TANC1: variants seen among roughly 807,000 people sequenced by gnomAD.
The protein encoded by TANC1 is protein TANC1.
In TANC1, 77 loss-of-function variants were observed where a neutral mutation model predicts 149.7. That is an observed-to-expected ratio of 0.51 (90% CI 0.43 to 0.62). The LOEUF (loss-of-function observed/expected upper bound fraction) is 0.62. Ranked by LOEUF, TANC1 falls within the 20% of genes least tolerant of loss-of-function variation. The probability of loss-of-function intolerance (pLI) is 0.00; values close to 1 mark genes in which losing one functional copy is unlikely to be tolerated. For synonymous variants in TANC1, 854 were observed against 925.0 expected (o/e 0.92, Z 1.39); for missense variants, 1,985 against 2,321.8 (o/e 0.85, Z 2.98).
chr2:158,969,046 CCCG>C (rs2032408552), intron 1 of TANC1, among the ~76,000 whole-genome samples: 1 of 152,160 alleles, frequency 6.6e-6, no homozygotes, highest in African/African-American at 2.4e-5. Context: ...GCGCGGTTCC[CCCG>C]CGCCGGACCG....
chr2:159,150,354 T>TC lies in TANC1; in HGVS notation c.496-14dup. The TC allele has an allele frequency of 6.2e-7, 1 of 1,611,070 alleles. No homozygotes were observed. Among genetic ancestry groups the TC allele is most frequent in the South Asian group, 1.1e-5 (1 of 90,820 alleles). On this transcript the variant is annotated splice_polypyrimidine_tract_variant and intron_variant, in intron 6 of 26. Transcript: ENST00000263635. ...TGTGTAAGCCGTGCTAACTCCTCCT[T>TC]CCATTCATCTTGCAGTGCACAGCTC...
At position 159,231,085 on chromosome 2, in the gene TANC1, T is replaced by C. The variant is rs1452329232; in HGVS notation, c.*73T>C. ...CTGGTGGTAAATTAAATAGTTTTTTTCATCAGAAAAATTATTTTTTAGCCA... is the reference window on the plus strand; with the variant it reads ...CTGGTGGTAAATTAAATAGTTTTTTCCATCAGAAAAATTATTTTTTAGCCA... On this transcript the variant is annotated 3_prime_UTR_variant, in exon 27 of 27. Coordinates refer to ENST00000263635, the MANE Select transcript of TANC1 (RefSeq NM_033394.3). 1.4e-5 allele frequency: 18 copies of C among 1,261,948 alleles called. No homozygotes were observed. In the East Asian group the frequency reaches 4.1e-4, roughly 29 times the overall value. 78.2% of individuals were successfully genotyped at this position (1,261,948 alleles called of 1,614,324 possible).
At chr2:158,986,508 G>C (rs2035015539) in intron 1 of TANC1, among the ~76,000 whole-genome samples, 1 of 152,176 alleles carries the variant, frequency 6.6e-6, no homozygotes, top group Non-Finnish European at 1.5e-5. Context: ...AGCATCATCT[G>C]GGGCACTTAA....
intron 2 of TANC1, among the ~76,000 whole-genome samples, chr2:159,055,764 G>T (rs1312690793): frequency 2.0e-5 from 3 of 152,062 alleles, no homozygotes; most frequent in African/African-American, 7.2e-5. Flanking sequence ...TCCTGTACTG[G>T]CCCCTGCACT....
intron 8 of TANC1, among the ~76,000 whole-genome samples, chr2:159,166,153 A>G (rs1298956732): frequency 6.6e-6 from 1 of 152,212 alleles, no homozygotes; most frequent in African/African-American, 2.4e-5. Flanking sequence ...CTTTAAAGGT[A>G]TGTTTTAAAT....
intron 19 of TANC1, among the ~76,000 whole-genome samples, chr2:159,216,712 G>A (rs1397359291): frequency 9.9e-5 from 15 of 152,100 alleles, no homozygotes; most frequent in Non-Finnish European, 1.0e-4. Flanking sequence ...GCACCACCAC[G>A]ACAGTGGGCA....
intron 19 of TANC1, among the ~76,000 whole-genome samples, chr2:159,204,818 T>C (rs4665039): frequency 0.95 from 145,008 of 152,354 alleles, 69,019 homozygotes; most frequent in East Asian, 1. Flanking sequence ...ATTTTTATTG[T>C]CAAAGCTACT....
chr2:159,223,960 A>G (rs1450619128), intron 22 of TANC1, among the ~76,000 whole-genome samples: 1 of 152,152 alleles, frequency 6.6e-6, no homozygotes, highest in Admixed American at 6.5e-5. Flanking sequence ...TGAGACAGAG[A>G]CAGATCACGC....
chr2:159,144,559 G>C (rs1407107896), intron 5 of TANC1, among the ~76,000 whole-genome samples: 2 of 152,014 alleles, frequency 1.3e-5, no homozygotes, highest in Non-Finnish European at 2.9e-5. Flanking sequence ...TGTATTTTTA[G>C]TAGAGACAGG....
chr2:159,109,305 C>T (rs1019880435), intron 4 of TANC1, among the ~76,000 whole-genome samples: 9 of 152,116 alleles, frequency 5.9e-5, no homozygotes, highest in Admixed American at 5.9e-4. Flanking sequence ...GGTGTTTCTT[C>T]CTCTGAAACA....
intron 22 of TANC1, among the ~76,000 whole-genome samples, chr2:159,221,838 G>A (rs2059728192): frequency 6.6e-6 from 1 of 152,170 alleles, no homozygotes; most frequent in Admixed American, 6.5e-5. Flanking sequence ...GATAAACTGA[G>A]AACCGTGAAA....
In TANC1 at chr2:159,150,517, C is replaced by A. The variant is rs764418723; in HGVS notation, c.643C>A (p.Pro215Thr). The A allele has an allele frequency of 6.2e-7, 1 of 1,613,942 alleles. No homozygotes were observed. The highest frequency in any genetic ancestry group is 1.3e-5 in the African/African-American group (1 of 74,898). Residue 215 changes from proline to threonine, a missense_variant, in exon 7 of 27, where the codon CCT (proline) becomes ACT (threonine). Pro to Thr is a conservative substitution (Grantham distance 38, BLOSUM62 -1). Around this residue, in one of 3 missense-constraint regions of TANC1, gnomAD observed 557 missense variants for 612.9 expected, o/e 0.91. Coordinates refer to ENST00000263635, the MANE Select transcript of TANC1 (RefSeq NM_033394.3). ...NKSPCETISS[P>T]SSTLESKDSG... ...AAGTCCCTGTGAGACCATTAGCAGCCCTAGTTCCACCCTGGAAAGCAAGGA... is the reference window on the plus strand; with the variant it reads ...AAGTCCCTGTGAGACCATTAGCAGCACTAGTTCCACCCTGGAAAGCAAGGA...
At chr2:159,196,931 T>A (rs558678016) in intron 18 of TANC1, 138 bp downstream of exon 18, 1 of 732,416 alleles carries the variant, frequency 1.4e-6, no homozygotes, top group South Asian at 1.9e-5. Flanking sequence ...GAAGGTCTTC[T>A]ATGGGCACCA....
intron 4 of TANC1, among the ~76,000 whole-genome samples, chr2:159,124,338 T>G (rs2049168934): frequency 6.6e-6 from 1 of 152,090 alleles, no homozygotes; most frequent in South Asian, 2.1e-4. Flanking sequence ...AACGAGATTT[T>G]GTCTCAAAAA....
In TANC1 at chr2:159,217,565, G is replaced by T; in HGVS notation, c.3313G>T (p.Val1105Leu). 6.2e-7 allele frequency: 1 copy of T among 1,614,276 alleles called. No homozygotes were observed. The highest frequency in any genetic ancestry group is 1.3e-5 in the African/African-American group (1 of 75,072). ...GCTGCTGCTGGGGCATGGAGCTGCT[G>T]TGTCGCGGACAAACAGGAGAGGGGT... Reference protein sequence around the residue: ...CELLLGHGAAVSRTNRRGVPP... With the variant: ...CELLLGHGAALSRTNRRGVPP... Residue 1105 changes from valine (V) to leucine (L), a missense_variant, in exon 20 of 27, where the codon GTG becomes TTG. By Grantham distance (32) the Val-to-Leu change is conservative (BLOSUM62 1). Coordinates refer to ENST00000263635, the MANE Select transcript of TANC1 (RefSeq NM_033394.3).
chr2:159,080,980 C>T (rs1445195273), intron 3 of TANC1, among the ~76,000 whole-genome samples: 2 of 152,224 alleles, frequency 1.3e-5, no homozygotes, highest in Non-Finnish European at 2.9e-5. Context: ...CACAGGCTCA[C>T]TCCACCTCGG....
chr2:159,221,633 C>G (rs538953540), intron 22 of TANC1, among the ~76,000 whole-genome samples: 178 of 152,332 alleles, frequency 1.2e-3, no homozygotes, highest in African/African-American at 4.1e-3. Flanking sequence ...TAATGTCCTT[C>G]AGCTTCATCC....
chr2:159,032,139 G>C (rs565751930), intron 2 of TANC1, among the ~76,000 whole-genome samples: 1 of 152,280 alleles, frequency 6.6e-6, no homozygotes, highest in East Asian at 1.9e-4. Context: ...TAATACAAAG[G>C]CATAGTCCAT....
chr2:158,978,971 TG>T (rs1251012343), intron 1 of TANC1, among the ~76,000 whole-genome samples: 1 of 152,252 alleles, frequency 6.6e-6, no homozygotes, highest in African/African-American at 2.4e-5. Flanking sequence ...CAGATTTCTT[TG>T]TTGGCCATTT....
Sources: gnomAD v4.1 joint callset for allele counts (sites outside exome capture counted in the v4.1 genomes callset) on GRCh38, gnomAD v4.1.1 for gene constraint, gnomAD v4.1.1 regional missense constraint, MANE v1.5 for transcripts, NCBI Gene and HGNC (gene_info 2026-07-23, HGNC 2026-07-21) for gene names.